PRKN: variants seen among roughly 807,000 people sequenced by gnomAD.
The protein encoded by PRKN is parkin RBR E3 ubiquitin protein ligase, also known as E3 ubiquitin-protein ligase parkin.
PRKN carries 56 observed loss-of-function variants against 59.5 expected under a neutral mutation model. That is an observed-to-expected ratio of 0.94 (90% CI 0.76 to 1.18). The LOEUF (loss-of-function observed/expected upper bound fraction) is 1.18, where lower values mean the gene tolerates loss of function less well. PRKN is among the 50% of genes most tolerant of loss of function. The pLI, the probability that PRKN is intolerant of heterozygous loss-of-function variation, is 0.00. For missense variants in PRKN, 657 were observed against 596.4 expected (o/e 1.10, Z -1.06); for synonymous variants, 250 against 222.1 (o/e 1.13, Z -1.12).
At chr6:162,527,484 C>T (rs551032082) in intron 1 of PRKN, among the ~76,000 whole-genome samples, 8 of 152,212 alleles carry the variant, frequency 5.3e-5, no homozygotes, top group African/African-American at 1.7e-4. Flanking sequence ...GAATATAAAT[C>T]TCTGGTTCTT....
chr6:162,564,947 A>T (rs535846518), intron 1 of PRKN, among the ~76,000 whole-genome samples: 1 of 152,156 alleles, frequency 6.6e-6, no homozygotes, highest in African/African-American at 2.4e-5. Context: ...GTAAGTACAC[A>T]GGAAAACCTA....
chr6:161,510,177 C>A (rs182824614), intron 9 of PRKN, among the ~76,000 whole-genome samples: 29 of 152,278 alleles, frequency 1.9e-4, no homozygotes, highest in Admixed American at 3.3e-4. Flanking sequence ...GGGCAGGAAC[C>A]TAGGCTCTTT....
At chr6:162,669,475 C>A (rs943265980) in intron 1 of PRKN, among the ~76,000 whole-genome samples, 2 of 152,044 alleles carry the variant, frequency 1.3e-5, no homozygotes, top group Admixed American at 6.6e-5. Context: ...TACTTGAATA[C>A]GTTTACATAT....
chr6:161,875,166 T>G (rs1794686554), intron 6 of PRKN, among the ~76,000 whole-genome samples: 1 of 139,462 alleles, frequency 7.2e-6, no homozygotes, highest in Non-Finnish European at 1.5e-5. Context: ...AATACATATA[T>G]AATATAAAAT....
At chr6:162,239,597 G>A (rs1309189916) in intron 3 of PRKN, among the ~76,000 whole-genome samples, 2 of 151,920 alleles carry the variant, frequency 1.3e-5, no homozygotes, top group Non-Finnish European at 2.9e-5. Context: ...TGCATGTCAG[G>A]AGAACCCATG....
chr6:162,558,146 A>T (rs183865307), intron 1 of PRKN, among the ~76,000 whole-genome samples: 84 of 148,038 alleles, frequency 5.7e-4, no homozygotes, highest in Non-Finnish European at 8.5e-4. Context: ...ATTTGATGAT[A>T]AAAAAAATCA....
chr6:161,569,195 GA>G (rs1780772548), intron 8 of PRKN, among the ~76,000 whole-genome samples, 159 bp downstream of exon 8: 1 of 152,156 alleles, frequency 6.6e-6, no homozygotes, highest in South Asian at 2.1e-4. Flanking sequence ...GATAGAAGAG[GA>G]AAAAAGTGTC....
intron 9 of PRKN, among the ~76,000 whole-genome samples, chr6:161,500,876 C>CTTTTTTTTTTTTTTTT (rs34247928): frequency 1.7e-5 from 2 of 115,402 alleles, no homozygotes; most frequent in Non-Finnish European, 1.7e-5. Flanking sequence ...TTTTTTTTTT[C>CTTTTTTTTTTTTTTTT]TTTTTTTTTT....
intron 4 of PRKN, among the ~76,000 whole-genome samples, chr6:162,183,413 G>A (rs139487853): frequency 9.2e-5 from 14 of 152,266 alleles, no homozygotes; most frequent in African/African-American, 3.4e-4. Flanking sequence ...GGGTCTCCTT[G>A]CTGACCCACT....
Position 162,431,210 on chromosome 6 carries a change from G to A in PRKN, c.171+12100C>T, listed in dbSNP as rs574331905. Among the ~76,000 whole-genome samples, 6 of 120,022 alleles carry A rather than the reference G, an allele frequency of 5.0e-5. No homozygotes were observed. The East Asian group carries it at 1.5e-3, about 30-fold the overall frequency. The allele number at this position is 120,022 out of a possible 152,430, so 78.7% of individuals were successfully genotyped here. On this transcript the variant is annotated intron_variant, in intron 2 of 11. Coordinates refer to ENST00000366898, the MANE Select transcript of PRKN (RefSeq NM_004562.3). The stretch of plus-strand genomic sequence containing the variant: ...AAAAAAGAAAAAAATGGACTTGGTT[G>A]CCTTGTGGAGAATGGATAGTAGTTG...
chr6:162,621,630 T>G (rs1159784523), intron 1 of PRKN, among the ~76,000 whole-genome samples: 1 of 152,234 alleles, frequency 6.6e-6, no homozygotes, highest in Non-Finnish European at 1.5e-5. Flanking sequence ...TTAATTGACA[T>G]AGACTATTTC....
At chr6:161,694,766 T>C (rs1785947020) in intron 7 of PRKN, among the ~76,000 whole-genome samples, 2 of 152,120 alleles carry the variant, frequency 1.3e-5, no homozygotes, top group Admixed American at 6.5e-5. Flanking sequence ...TTTGCTAACA[T>C]GAGGATGACA....
At chr6:162,655,076 T>C (rs1300009457) in intron 1 of PRKN, among the ~76,000 whole-genome samples, 9 of 152,178 alleles carry the variant, frequency 5.9e-5, no homozygotes. Context: ...ATGCTATTCA[T>C]CTTTTTCATA....
rs960284813 is a variant in PRKN at position 161,551,488 on chromosome 6, C to T, written c.934-2485G>A. On this transcript the variant is annotated intron_variant, in intron 8 of 11. Transcript: ENST00000366898. This position sits in a 1 kb window ranked among gnomAD's most constrained non-coding sequence, Gnocchi z 5.2. ...GACTAAGGAGCAGCAGCCTATGAGG[C>T]AGGTGAAAACTGAGGAGGACTCAGG... 6.6e-6 allele frequency among the ~76,000 whole-genome samples: 1 copy of T among 152,164 alleles called. No individual in the cohort carries two copies. The highest frequency in any genetic ancestry group is 1.5e-5 in the Non-Finnish European group (1 of 68,030).
chr6:161,856,395 A>G (rs6927082), intron 6 of PRKN, among the ~76,000 whole-genome samples: 80,386 of 151,446 alleles, frequency 0.53, 21,526 homozygotes, highest in East Asian at 0.76. Context: ...TAAGATTGAA[A>G]ATGAACTGCT....
chr6:161,886,315 A>G (rs1425542401), intron 6 of PRKN, among the ~76,000 whole-genome samples: 1 of 152,224 alleles, frequency 6.6e-6, no homozygotes, highest in East Asian at 1.9e-4. Context: ...AATTTCTTGA[A>G]ACCATAATTA....
rs1290741228 is a variant in PRKN, at chr6:162,472,804, T to TTATATATATATA, written c.8-29343_8-29332dup. On this transcript the variant is annotated intron_variant, in intron 1 of 11. Coordinates refer to ENST00000366898, the MANE Select transcript of PRKN (RefSeq NM_004562.3). ...CCGCGCCCGGCCCCAAACTTTTATT[T>TTATATATATATA]TATATATATATATCTTAGTAGAAGT... 1.2e-3 allele frequency among the ~76,000 whole-genome samples: 113 copies of TTATATATATATA among 93,310 alleles called. 1 individual carries two copies. The highest frequency in any genetic ancestry group is 2.1e-3 in the Non-Finnish European group (86 of 41,154). The allele number at this position is 93,310 out of a possible 152,430, so 61.2% of individuals were successfully genotyped here.
At chr6:161,567,257 AG>A (rs1713967351) in intron 8 of PRKN, among the ~76,000 whole-genome samples, 2 of 152,182 alleles carry the variant, frequency 1.3e-5, no homozygotes, top group African/African-American at 4.8e-5. Flanking sequence ...TATGTTGGCC[AG>A]GCTGGTCTCG....
In PRKN at chr6:161,423,961, C is replaced by T. The variant is rs1732417704; in HGVS notation, c.1084-37084G>A. Among the ~76,000 whole-genome samples, 1 of 152,118 alleles carries T rather than the reference C, an allele frequency of 6.6e-6. No individual in the cohort carries two copies. The highest frequency in any genetic ancestry group is 6.6e-5 in the Admixed American group (1 of 15,262). ...AAGAAAAGCACTGGCCAATGAAGGT[C>T]AATGTCAAAGCACAAGGCTGGTATT... On this transcript the variant is annotated intron_variant, in intron 9 of 11. Coordinates refer to ENST00000366898, the MANE Select transcript of PRKN (RefSeq NM_004562.3). This position sits in a 1 kb window ranked among gnomAD's most constrained non-coding sequence, Gnocchi z 5.9.
Sources: allele counts gnomAD v4.1 joint callset (sites outside exome capture counted in the v4.1 genomes callset), GRCh38; gene constraint gnomAD v4.1.1; non-coding constraint Gnocchi (gnomAD v3.1); transcripts MANE v1.5; gene names NCBI Gene and HGNC (gene_info 2026-07-23, HGNC 2026-07-21).